KCMF1: variants seen among roughly 807,000 people sequenced by gnomAD.
The protein encoded by KCMF1 is E3 ubiquitin-protein ligase KCMF1.
In KCMF1, 3 loss-of-function variants were observed where a neutral mutation model predicts 41.1. The ratio of observed to expected loss-of-function variants is 0.07; its 90% CI spans 0.03 to 0.19. The LOEUF is 0.19. Among genes scored for constraint, KCMF1 ranks in the 10% least tolerant of loss-of-function variants. KCMF1 has a pLI of 1.00. For synonymous variants in KCMF1, 142 were observed against 164.5 expected (o/e 0.86, Z 1.04); for missense variants, 286 against 488.9 (o/e 0.58, Z 3.91).
intron 1 of KCMF1, among the ~76,000 whole-genome samples, chr2:85,018,218 C>G (rs1674832592): frequency 6.6e-6 from 1 of 150,456 alleles, no homozygotes. Flanking sequence ...TAGCATTTTA[C>G]AAACTAGTGA....
intron 1 of KCMF1, among the ~76,000 whole-genome samples, chr2:84,978,004 A>G (rs1673592838): frequency 6.7e-6 from 1 of 149,106 alleles, no homozygotes; most frequent in African/African-American, 2.5e-5. Context: ...TTTAGCAGCA[A>G]TCTTTTTTTT....
chr2:85,026,462 A>T (rs1379648507), intron 1 of KCMF1, among the ~76,000 whole-genome samples: 15 of 128,400 alleles, frequency 1.2e-4, no homozygotes, highest in African/African-American at 5.3e-4. Flanking sequence ...TCTTTCCTTT[A>T]TTATTATTAT....
At chr2:84,971,536 C>T in intron 1 of KCMF1, 69 bp downstream of exon 1, 6 of 917,192 alleles carry the variant, frequency 6.5e-6, no homozygotes, top group Non-Finnish European at 8.3e-6. Flanking sequence ...CCGGGCGCGG[C>T]GGAGGGCGGC....
At chr2:85,008,347 A>ATTATATATCATATGATATATTATATATG (rs372126026) in intron 1 of KCMF1, among the ~76,000 whole-genome samples, 12 of 7,338 alleles carry the variant, frequency 1.6e-3, no homozygotes, top group African/African-American at 2.2e-3. Flanking sequence ...TATGATATAT[A>ATTATATATCATATGATATATTATATATG]ATATATAATA....
chr2:85,025,628 G>T (rs1675084299), intron 1 of KCMF1, among the ~76,000 whole-genome samples: 1 of 152,048 alleles, frequency 6.6e-6, no homozygotes. Context: ...GGTTTTTTGA[G>T]ATAGGAGTCC....
intron 1 of KCMF1, among the ~76,000 whole-genome samples, chr2:85,010,530 A>G (rs1674627140): frequency 6.6e-6 from 1 of 152,220 alleles, no homozygotes; most frequent in Non-Finnish European, 1.5e-5. Flanking sequence ...CTCAAATGTC[A>G]TTGTCCGGTG....
intron 1 of KCMF1, among the ~76,000 whole-genome samples, chr2:84,991,871 TC>T (rs1267835415): frequency 6.6e-6 from 1 of 152,156 alleles, no homozygotes; most frequent in East Asian, 1.9e-4. Flanking sequence ...AGAATCTAGA[TC>T]CCATGACTCA....
At chr2:85,002,518 A>T (rs1450020348) in intron 1 of KCMF1, among the ~76,000 whole-genome samples, 1 of 152,198 alleles carries the variant, frequency 6.6e-6, no homozygotes, top group African/African-American at 2.4e-5. Flanking sequence ...TAATGTTAAT[A>T]GTTTGCATTA....
At chr2:85,005,244 G>A (rs766107692) in intron 1 of KCMF1, among the ~76,000 whole-genome samples, 7 of 149,996 alleles carry the variant, frequency 4.7e-5, no homozygotes, top group Non-Finnish European at 1.0e-4. Flanking sequence ...ATAATTATAC[G>A]TATTTCTAGG....
At chr2:85,020,948 C>T (rs1674917344) in intron 1 of KCMF1, among the ~76,000 whole-genome samples, 1 of 152,164 alleles carries the variant, frequency 6.6e-6, no homozygotes, top group Admixed American at 6.5e-5. Flanking sequence ...TAGCTCACAG[C>T]AGCCTCGACC....
intron 1 of KCMF1, among the ~76,000 whole-genome samples, chr2:84,985,618 C>T (rs1673882162): frequency 6.6e-6 from 1 of 152,004 alleles, no homozygotes; most frequent in African/African-American, 2.4e-5. Context: ...CTCACGAGGT[C>T]AGGAGTTTGA....
At chr2:85,040,174 A>G (rs148353542) in intron 3 of KCMF1, among the ~76,000 whole-genome samples, 53 of 152,320 alleles carry the variant, frequency 3.5e-4, no homozygotes, top group African/African-American at 1.3e-3. Context: ...AGTTAAGTAA[A>G]TCTTAATTGA....
At chr2:84,978,353 T>C (rs571894461) in intron 1 of KCMF1, among the ~76,000 whole-genome samples, 62 of 152,302 alleles carry the variant, frequency 4.1e-4, no homozygotes, top group African/African-American at 1.4e-3. Flanking sequence ...ATGAAACTTA[T>C]GATGTGAAAT....
chr2:85,028,749 A>G (rs1465490949), intron 2 of KCMF1, among the ~76,000 whole-genome samples: 1 of 151,886 alleles, frequency 6.6e-6, no homozygotes, highest in Non-Finnish European at 1.5e-5. Flanking sequence ...TCGGCCTCCA[A>G]AGTGCTGGGA....
chr2:85,029,667 T>G (rs1675215825), intron 2 of KCMF1, among the ~76,000 whole-genome samples: 1 of 151,054 alleles, frequency 6.6e-6, no homozygotes, highest in Non-Finnish European at 1.5e-5. Flanking sequence ...TATAAATGTT[T>G]CATGCTATAA....
chr2:85,018,937 A>G (rs1674858923), intron 1 of KCMF1, among the ~76,000 whole-genome samples: 1 of 150,304 alleles, frequency 6.7e-6, no homozygotes, highest in African/African-American at 2.5e-5. Flanking sequence ...GGATTTCACC[A>G]TGTTGACCAG....
chr2:84,997,918 C>T (rs1194220251), intron 1 of KCMF1, among the ~76,000 whole-genome samples: 1 of 150,760 alleles, frequency 6.6e-6, no homozygotes, highest in Non-Finnish European at 1.5e-5. Context: ...TACAGGTGTG[C>T]ATCACCACAC....
intron 1 of KCMF1, among the ~76,000 whole-genome samples, chr2:85,019,079 T>C (rs567544689): frequency 3.6e-4 from 55 of 152,296 alleles, no homozygotes; most frequent in Non-Finnish European, 6.6e-4. Context: ...TGTACTGATA[T>C]CTCATCAGAA....
At chr2:84,980,208 A>G (rs898823540) in intron 1 of KCMF1, among the ~76,000 whole-genome samples, 1 of 152,178 alleles carries the variant, frequency 6.6e-6, no homozygotes, top group Non-Finnish European at 1.5e-5. Flanking sequence ...CTAAAGGAAC[A>G]TATTACCTAG....
Sources: allele counts gnomAD v4.1 joint callset (sites outside exome capture counted in the v4.1 genomes callset), GRCh38; gene constraint gnomAD v4.1.1; transcripts MANE v1.5; gene names NCBI Gene and HGNC (gene_info 2026-07-23, HGNC 2026-07-21).